Variants in PLA2G4A observed in about 807,000 individuals in gnomAD.
PLA2G4A encodes cytosolic phospholipase A2.
In PLA2G4A, 40 loss-of-function variants were observed where a neutral mutation model predicts 81.9. That is an observed-to-expected ratio of 0.49 (90% CI 0.38 to 0.64). The LOEUF (loss-of-function observed/expected upper bound fraction) is 0.64, where lower values mean the gene tolerates loss of function less well. Among genes scored for constraint, PLA2G4A ranks in the 30% least tolerant of loss-of-function variants. The pLI is 0.00. For synonymous variants in PLA2G4A, 302 were observed against 296.9 expected (o/e 1.02, Z -0.18); for missense variants, 715 against 905.1 (o/e 0.79, Z 2.69).
chr1:186,911,359 G>A lies in PLA2G4A; in HGVS notation c.528G>A (p.Lys176=). The A allele has an allele frequency of 7.4e-6, 12 of 1,611,612 alleles. No homozygotes were observed. The highest frequency in any genetic ancestry group is 1.0e-5 in the Non-Finnish European group (12 of 1,177,680). ...RESMKKLLGP[K]NSEGLHSARD... is the part of the protein sequence containing the mutation. ...GCATGAAGAAACTCTTGGGTCCAAA[G>A]AATAGTGAAGGATTGCATTCTGCAC... The change falls in exon 7 of 18, where the codon AAG becomes AAA. Residue 176 remains lysine, a synonymous_variant. Coordinates refer to ENST00000367466, the MANE Select transcript of PLA2G4A (RefSeq NM_024420.3).
chr1:186,977,589 A>G lies in PLA2G4A; in HGVS notation c.1765-4A>G. On this transcript the variant is annotated splice_region_variant and splice_polypyrimidine_tract_variant and intron_variant, in intron 15 of 17. Coordinates refer to ENST00000367466, the MANE Select transcript of PLA2G4A (RefSeq NM_024420.3). ...CCAAATTCATCTTTCCATCTTTCCC[A>G]TAGGAACTTCTACTTGCAGAAAAGT... 1 of 1,602,356 alleles carries G rather than the reference A, an allele frequency of 6.2e-7. No individual in the cohort carries two copies. The highest frequency in any genetic ancestry group is 8.6e-7 in the Non-Finnish European group (1 of 1,169,388).
intron 15 of PLA2G4A, among the ~76,000 whole-genome samples, chr1:186,971,357 A>T (rs1336533715): frequency 2.0e-5 from 3 of 151,998 alleles, no homozygotes; most frequent in Non-Finnish European, 4.4e-5. Flanking sequence ...TGTAGTACAT[A>T]TAGGCATTTC....
chr1:186,982,116 G>A (rs953667800), intron 17 of PLA2G4A, among the ~76,000 whole-genome samples: 2 of 152,186 alleles, frequency 1.3e-5, no homozygotes, highest in Non-Finnish European at 2.9e-5. Flanking sequence ...ACACAGGGGA[G>A]TATCTTTATG....
chr1:186,913,904 G>C (rs989701540), intron 7 of PLA2G4A, among the ~76,000 whole-genome samples: 1 of 152,122 alleles, frequency 6.6e-6, no homozygotes, highest in Non-Finnish European at 1.5e-5. Context: ...TGTTTTAGGT[G>C]GGGGTAGGGT....
At chr1:186,937,914 G>A (rs12128551) in intron 8 of PLA2G4A, among the ~76,000 whole-genome samples, 31,968 of 151,870 alleles carry the variant, frequency 0.21, 3,909 homozygotes, top group Admixed American at 0.33. Context: ...AACCAACACA[G>A]TGCCCAGAAT....
At chr1:186,941,903 A>G (rs1656168159) in intron 10 of PLA2G4A, among the ~76,000 whole-genome samples, 1 of 152,240 alleles carries the variant, frequency 6.6e-6, no homozygotes, top group African/African-American at 2.4e-5. Flanking sequence ...TGTTAAGTGA[A>G]GATGAGACTT....
At chr1:186,936,224 T>C (rs10798073) in intron 8 of PLA2G4A, among the ~76,000 whole-genome samples, 46,389 of 151,778 alleles carry the variant, frequency 0.31, 9,623 homozygotes, top group African/African-American at 0.58. Context: ...AATTTGAGAG[T>C]GAGAATTTTC....
chr1:186,946,576 T>C lies in PLA2G4A; in HGVS notation c.1034-61T>C, dbSNP rs1656353622. 2.7e-6 allele frequency: 3 copies of C among 1,113,794 alleles called. No individual in the cohort carries two copies. The Admixed American group carries it at 5.1e-5, about 19-fold the overall frequency. The allele number at this position is 1,113,794 out of a possible 1,614,324, so 69.0% of individuals were successfully genotyped here. ...ACATTATTAAAGTGATCATTAATTG[T>C]GCACACCATGCCATAGCATTTTCCT... On this transcript the variant is annotated intron_variant, in intron 10 of 17. Transcript: ENST00000367466.
intron 2 of PLA2G4A, among the ~76,000 whole-genome samples, chr1:186,860,668 A>G (rs1652765383): frequency 6.6e-6 from 1 of 152,222 alleles, no homozygotes; most frequent in Non-Finnish European, 1.5e-5. Flanking sequence ...CATCACAGCT[A>G]ATGGTAAACT....
At position 186,977,784 on chromosome 1, in the gene PLA2G4A, T is replaced by A; in HGVS notation, c.1956T>A (p.Ala652=). ...LANINFRKYR[A]PGVPRETEEE... ...ACATCAACTTCAGAAAGTACAGGGC[T>A]CCAGGTAAGTAGGGAGTAAGCTGTA... Residue 652 remains alanine (A), a synonymous_variant, in exon 16 of 18, where the codon GCT becomes GCA. Coordinates refer to ENST00000367466, the MANE Select transcript of PLA2G4A (RefSeq NM_024420.3). 1 of 1,595,908 alleles carries A rather than the reference T, an allele frequency of 6.3e-7. No homozygotes were observed. Among genetic ancestry groups the A allele is most frequent in the Non-Finnish European group, 8.6e-7 (1 of 1,163,418 alleles).
intron 10 of PLA2G4A, among the ~76,000 whole-genome samples, chr1:186,943,924 C>T (rs1234018137): frequency 6.6e-6 from 1 of 152,092 alleles, no homozygotes; most frequent in African/African-American, 2.4e-5. Flanking sequence ...TTGAAAAAGT[C>T]ACTTTGGTGA....
At chr1:186,931,563 G>A (rs988415201) in intron 7 of PLA2G4A, among the ~76,000 whole-genome samples, 2 of 148,794 alleles carry the variant, frequency 1.3e-5, no homozygotes, top group Non-Finnish European at 3.0e-5. Context: ...TTATTACACT[G>A]CCTATATACT....
intron 8 of PLA2G4A, among the ~76,000 whole-genome samples, chr1:186,934,480 T>C (rs1405329884): frequency 2.7e-5 from 1 of 37,514 alleles, no homozygotes. Flanking sequence ...ACAGAGAGAG[T>C]AATTAAAAGG....
At chr1:186,834,500 A>G (rs920661462) in intron 1 of PLA2G4A, among the ~76,000 whole-genome samples, 3 of 151,948 alleles carry the variant, frequency 2.0e-5, no homozygotes, top group African/African-American at 4.8e-5. Flanking sequence ...CACTCTTTCT[A>G]TTGGAGTTAA....
chr1:186,904,569 T>C (rs1032808132), intron 5 of PLA2G4A, among the ~76,000 whole-genome samples: 1 of 152,208 alleles, frequency 6.6e-6, no homozygotes, highest in African/African-American at 2.4e-5. Flanking sequence ...GGTGACCCAC[T>C]TGTGCAATGA....
chr1:186,902,460 G>A (rs1571383357), intron 5 of PLA2G4A, among the ~76,000 whole-genome samples: 2 of 151,988 alleles, frequency 1.3e-5, no homozygotes, highest in Admixed American at 6.6e-5. Flanking sequence ...AGTCCGGCTC[G>A]AAGCAGCCCT....
At chr1:186,845,426 A>G (rs553105389) in intron 1 of PLA2G4A, among the ~76,000 whole-genome samples, 1 of 152,122 alleles carries the variant, frequency 6.6e-6, no homozygotes, top group South Asian at 2.1e-4. Flanking sequence ...ATTAGGGGCG[A>G]TTTTCCCTAC....
intron 1 of PLA2G4A, among the ~76,000 whole-genome samples, chr1:186,848,319 G>A (rs951348833): frequency 2.6e-5 from 4 of 152,048 alleles, no homozygotes; most frequent in African/African-American, 4.8e-5. Context: ...CTCTATTCTC[G>A]CTCTCTCTGC....
intron 1 of PLA2G4A, among the ~76,000 whole-genome samples, chr1:186,833,973 G>A (rs994723078): frequency 5.9e-5 from 9 of 152,126 alleles, no homozygotes; most frequent in Non-Finnish European, 7.4e-5. Flanking sequence ...GGCACATGCA[G>A]TTGTGAATCA....
Sources: allele counts gnomAD v4.1 joint callset (sites outside exome capture counted in the v4.1 genomes callset), GRCh38; gene constraint gnomAD v4.1.1; transcripts MANE v1.5; gene names NCBI Gene and HGNC (gene_info 2026-07-23, HGNC 2026-07-21).